Variants in SLC12A6 observed in about 807,000 individuals in gnomAD.
The protein encoded by SLC12A6 is K-Cl cotransporter 3.
SLC12A6 carries 66 observed loss-of-function variants against 135.3 expected under a neutral mutation model. The ratio of observed to expected loss-of-function variants is 0.49; its 90% CI spans 0.40 to 0.60. SLC12A6 has a LOEUF of 0.60. SLC12A6 is among the 20% of genes least tolerant of loss of function. SLC12A6 has a pLI of 0.00. For synonymous variants in SLC12A6, 513 were observed against 508.8 expected (o/e 1.01, Z -0.11); for missense variants, 1,058 against 1,452.3 (o/e 0.73, Z 4.41).
At chr15:34,303,758 C>CT (rs1896416219) in intron 2 of SLC12A6, among the ~76,000 whole-genome samples, 1 of 152,156 alleles carries the variant, frequency 6.6e-6, no homozygotes, top group Non-Finnish European at 1.5e-5. Context: ...CTCACTCCCT[C>CT]TTACCCTCTC....
chr15:34,237,601 G>A (rs376277152), intron 21 of SLC12A6, 51 bp from the exon 22 acceptor site: 13 of 1,516,956 alleles, frequency 8.6e-6, no homozygotes, highest in Middle Eastern at 1.7e-4. Context: ...AGGCAAAAAA[G>A]GTTATTTCCT....
chr15:34,326,787 A>C (rs1889491257), intron 2 of SLC12A6, among the ~76,000 whole-genome samples: 2 of 145,300 alleles, frequency 1.4e-5, no homozygotes, highest in South Asian at 4.4e-4. Flanking sequence ...GACCTCTCGG[A>C]CTCAAGCAAT....
In SLC12A6 at chr15:34,236,206, A is replaced by C; in HGVS notation, c.3043-7T>G. 6.2e-7 allele frequency: 1 copy of C among 1,611,644 alleles called. No individual in the cohort carries two copies. The highest frequency in any genetic ancestry group is 8.5e-7 in the Non-Finnish European group (1 of 1,177,746). On this transcript the variant is annotated splice_polypyrimidine_tract_variant and splice_region_variant and intron_variant, in intron 23 of 25. Transcript: ENST00000354181. ...GGTCTTTCACCAATTGTGCCTGAGG[A>C]AGAAGGTCCAACACAAGTTATTCTA...
chr15:34,311,807 C>CT (rs1490185209), intron 2 of SLC12A6, among the ~76,000 whole-genome samples: 2 of 152,198 alleles, frequency 1.3e-5, no homozygotes, highest in African/African-American at 4.8e-5. Flanking sequence ...CTGCCCTAAA[C>CT]TTTTATTTCC....
chr15:34,334,382 A>G (rs1246249955), intron 2 of SLC12A6, among the ~76,000 whole-genome samples: 2 of 152,330 alleles, frequency 1.3e-5, no homozygotes, highest in Non-Finnish European at 2.9e-5. Flanking sequence ...AGGGAAGTGT[A>G]TATTAACATT....
At chr15:34,322,901 C>T (rs2141140579) in intron 2 of SLC12A6, among the ~76,000 whole-genome samples, 1 of 146,736 alleles carries the variant, frequency 6.8e-6, no homozygotes, top group South Asian at 2.1e-4. Flanking sequence ...TCGCTTGAAC[C>T]CAGGCAGGTG....
intron 2 of SLC12A6, among the ~76,000 whole-genome samples, chr15:34,278,118 G>T (rs1321890521): frequency 6.6e-6 from 1 of 152,168 alleles, no homozygotes; most frequent in African/African-American, 2.4e-5. Context: ...AAATATAAAT[G>T]ACTTTTCCTT....
At chr15:34,289,105 G>A (rs1324989862) in intron 2 of SLC12A6, among the ~76,000 whole-genome samples, 1 of 152,190 alleles carries the variant, frequency 6.6e-6, no homozygotes, top group African/African-American at 2.4e-5. Flanking sequence ...CATTCAGTAT[G>A]ATACTGGCTG....
At chr15:34,333,462 C>T (rs895554268) in intron 2 of SLC12A6, among the ~76,000 whole-genome samples, 2 of 151,988 alleles carry the variant, frequency 1.3e-5, no homozygotes, top group South Asian at 4.1e-4. Context: ...GACTCCTGAG[C>T]TCAGGGAATC....
chr15:34,307,579 G>A (rs1474603271), intron 2 of SLC12A6, among the ~76,000 whole-genome samples: 1 of 151,992 alleles, frequency 6.6e-6, no homozygotes, highest in Non-Finnish European at 1.5e-5. Flanking sequence ...TCAAAGTGTT[G>A]GGATTATAGG....
chr15:34,241,160 T>TATA (rs1404946658), intron 18 of SLC12A6, 73 bp downstream of exon 18: 1 of 831,668 alleles, frequency 1.2e-6, no homozygotes, highest in African/African-American at 1.7e-5. Context: ...GGTTTCCTTA[T>TATA]CCTAAAATCA....
At chr15:34,336,855 C>A in intron 1 of SLC12A6, 103 bp from the exon 2 acceptor site, 3 of 651,514 alleles carry the variant, frequency 4.6e-6, no homozygotes, top group Non-Finnish European at 8.2e-6. Flanking sequence ...GAATTCAAGC[C>A]GACTGTCCTA....
At chr15:34,259,233 G>A (rs952053286) in intron 4 of SLC12A6, among the ~76,000 whole-genome samples, 2 of 152,084 alleles carry the variant, frequency 1.3e-5, no homozygotes, top group Admixed American at 6.6e-5. Context: ...CCAGCTACAC[G>A]GGAGGCTGAG....
At chr15:34,259,387 C>T (rs1892964560) in intron 4 of SLC12A6, among the ~76,000 whole-genome samples, 1 of 151,308 alleles carries the variant, frequency 6.6e-6, no homozygotes, top group Non-Finnish European at 1.5e-5. Context: ...TGGTGGCTCA[C>T]ACCTGCTAAC....
chr15:34,317,249 C>G (rs774203860), intron 2 of SLC12A6, among the ~76,000 whole-genome samples: 2 of 152,078 alleles, frequency 1.3e-5, no homozygotes, highest in African/African-American at 2.4e-5. Flanking sequence ...AAGGAAAAAA[C>G]AAAAGGAACA....
intron 2 of SLC12A6, among the ~76,000 whole-genome samples, chr15:34,309,641 A>G (rs1163182254): frequency 2.0e-5 from 3 of 152,060 alleles, no homozygotes; most frequent in Non-Finnish European, 4.4e-5. Context: ...TAAAAATCTG[A>G]AAGGAATCAA....
chr15:34,250,268 A>G, intron 13 of SLC12A6, 30 bp downstream of exon 13: 1 of 1,220,494 alleles, frequency 8.2e-7, no homozygotes, highest in Non-Finnish European at 1.2e-6. Flanking sequence ...AGACACACAC[A>G]TAATTGTTAC....
At chr15:34,320,249 GC>G (rs1308646620) in intron 2 of SLC12A6, among the ~76,000 whole-genome samples, 3 of 152,154 alleles carry the variant, frequency 2.0e-5, no homozygotes, top group African/African-American at 7.2e-5. Context: ...CAACTTAAGT[GC>G]CCATTAACAC....
intron 2 of SLC12A6, among the ~76,000 whole-genome samples, chr15:34,315,564 A>AAAAAAT (rs146016817): frequency 0.039 from 5,931 of 152,214 alleles, 212 homozygotes; most frequent in African/African-American, 0.098. Context: ...CTGTCTTTAA[A>AAAAAAT]AAAAATAAAA....
Sources: allele counts gnomAD v4.1 joint callset (sites outside exome capture counted in the v4.1 genomes callset), GRCh38; gene constraint gnomAD v4.1.1; transcripts MANE v1.5; gene names NCBI Gene and HGNC (gene_info 2026-07-23, HGNC 2026-07-21).